Variants in SNX29 observed in about 807,000 individuals in gnomAD.
SNX29 encodes sorting nexin-29.
In SNX29, 78 loss-of-function variants were observed where a neutral mutation model predicts 102.1. That is an observed-to-expected ratio of 0.76 (90% CI 0.64 to 0.92). The LOEUF is 0.92. Among genes scored for constraint, SNX29 ranks in the 40% least tolerant of loss-of-function variants. The pLI is 0.00. For missense variants in SNX29, 1,280 were observed against 1,061.7 expected (o/e 1.21, Z -2.86); for synonymous variants, 580 against 414.5 (o/e 1.40, Z -4.85).
intron 18 of SNX29, among the ~76,000 whole-genome samples, chr16:12,435,244 G>C (rs1021975812): frequency 6.6e-6 from 1 of 152,220 alleles, no homozygotes; most frequent in Non-Finnish European, 1.5e-5. Context: ...AGCATCAGCT[G>C]ATAGGACCCA....
chr16:12,543,037 CAA>C (rs1274768154), intron 20 of SNX29, among the ~76,000 whole-genome samples: 2 of 152,142 alleles, frequency 1.3e-5, no homozygotes, highest in African/African-American at 2.4e-5. Context: ...TCCAGAGGCT[CAA>C]AAAGTGTCAC....
At chr16:12,176,172 G>A (rs1161896963) in intron 13 of SNX29, among the ~76,000 whole-genome samples, 1 of 152,182 alleles carries the variant, frequency 6.6e-6, no homozygotes, top group African/African-American at 2.4e-5. Context: ...TAGACTTCCA[G>A]CCTCCAGAAC....
Position 12,475,931 on chromosome 16 carries a change from T to G in SNX29, c.2038-1788T>G, listed in dbSNP as rs150380018. On this transcript the variant is annotated intron_variant, in intron 18 of 20. Transcript: ENST00000566228. ...CCCGATCTAGATAATTAGTATTATG[T>G]ATGATGATCAGAGAAGTGATTGTAC... Among the ~76,000 whole-genome samples the G allele has an allele frequency of 3.7e-3, 567 of 152,338 alleles. 17 individuals are homozygous for G. The highest frequency in any genetic ancestry group is 0.025 in the Admixed American group (377 of 15,306).
intron 11 of SNX29, among the ~76,000 whole-genome samples, chr16:12,118,345 G>A (rs1163246709): frequency 2.5e-5 from 2 of 80,500 alleles, no homozygotes; most frequent in African/African-American, 1.4e-4. Flanking sequence ...TTATGAGATG[G>A]AGTCTTGCTC....
At chr16:12,121,606 G>A (rs2053976897) in intron 11 of SNX29, among the ~76,000 whole-genome samples, 2 of 152,184 alleles carry the variant, frequency 1.3e-5, no homozygotes, top group East Asian at 3.9e-4. Flanking sequence ...GCCAGACTCG[G>A]CACTTTCTCT....
intron 1 of SNX29, among the ~76,000 whole-genome samples, chr16:11,982,820 C>CT (rs1375077532): frequency 6.6e-6 from 1 of 152,116 alleles, no homozygotes; most frequent in Non-Finnish European, 1.5e-5. Flanking sequence ...CAGATGAGCT[C>CT]TAAGATTCAT....
rs74009117 is a variant in SNX29 at position 12,529,357 on chromosome 16, C to T, written c.2318+4516C>T. Among the ~76,000 whole-genome samples the T allele has an allele frequency of 1.7e-4, 26 of 152,222 alleles. 1 individual carries two copies. The highest frequency in any genetic ancestry group is 5.5e-4 in the African/African-American group (23 of 41,536). ...TGGGGAAGGGGTGGTTACTAAGAGA[C>T]GTGACACTTTGCAGATGGCAGAGAT... On this transcript the variant is annotated intron_variant, in intron 20 of 20. Transcript: ENST00000566228.
At chr16:12,529,211 G>A (rs2076866543) in intron 20 of SNX29, among the ~76,000 whole-genome samples, 1 of 152,192 alleles carries the variant, frequency 6.6e-6, no homozygotes, top group Admixed American at 6.5e-5. Context: ...TTTGAACTCT[G>A]TATATCAGTG....
intron 13 of SNX29, among the ~76,000 whole-genome samples, chr16:12,189,104 G>C (rs1254032558): frequency 6.6e-6 from 1 of 152,074 alleles, no homozygotes; most frequent in Non-Finnish European, 1.5e-5. Flanking sequence ...AGAGGGCCTG[G>C]GAATCTGCTT....
intron 14 of SNX29, among the ~76,000 whole-genome samples, chr16:12,257,189 G>T (rs575150853): frequency 6.6e-6 from 1 of 152,222 alleles, no homozygotes; most frequent in East Asian, 1.9e-4. Flanking sequence ...AGCTCTGGAG[G>T]CCCCCAGAAC....
intron 18 of SNX29, among the ~76,000 whole-genome samples, chr16:12,426,155 A>G (rs62028393): frequency 0.039 from 6,006 of 152,124 alleles, 295 homozygotes; most frequent in East Asian, 0.28. Context: ...GCTAAGTTAT[A>G]CTGTTGTGAC....
intron 18 of SNX29, among the ~76,000 whole-genome samples, 184 bp downstream of exon 18, chr16:12,403,713 G>C (rs914977733): frequency 2.0e-5 from 3 of 152,208 alleles, no homozygotes; most frequent in African/African-American, 7.2e-5. Flanking sequence ...AGTTGGGCAG[G>C]GGGATACGGT....
At chr16:12,119,030 A>G (rs2053862828) in intron 11 of SNX29, among the ~76,000 whole-genome samples, 1 of 152,244 alleles carries the variant, frequency 6.6e-6, no homozygotes, top group African/African-American at 2.4e-5. Flanking sequence ...ACTTTAGGAC[A>G]TGAGGCTCAC....
chr16:12,354,863 G>C (rs1446858905), intron 15 of SNX29, among the ~76,000 whole-genome samples: 1 of 152,198 alleles, frequency 6.6e-6, no homozygotes, highest in African/African-American at 2.4e-5. Context: ...TGGCAGAAAG[G>C]CTCAGTGACT....
At chr16:12,112,308 T>A (rs1179190951) in intron 11 of SNX29, among the ~76,000 whole-genome samples, 3 of 152,034 alleles carry the variant, frequency 2.0e-5, no homozygotes, top group Non-Finnish European at 2.9e-5. Flanking sequence ...CTACCTCCCC[T>A]CCCTCTTAAG....
chr16:12,262,027 TCTGTGTGC>T (rs2078787127), intron 14 of SNX29, among the ~76,000 whole-genome samples: 1 of 143,462 alleles, frequency 7.0e-6, no homozygotes, highest in Admixed American at 6.9e-5. Flanking sequence ...TGAGCTCGGG[TCTGTGTGC>T]ACGTCCCCGG....
intron 3 of SNX29, among the ~76,000 whole-genome samples, chr16:12,011,800 A>G (rs1456300609): frequency 2.0e-5 from 3 of 152,116 alleles, no homozygotes; most frequent in Non-Finnish European, 4.4e-5. Context: ...CCAGCTGTGT[A>G]ATTTTGGACT....
intron 15 of SNX29, among the ~76,000 whole-genome samples, chr16:12,328,964 C>A (rs1031013415): frequency 1.3e-5 from 2 of 151,960 alleles, no homozygotes; most frequent in African/African-American, 4.8e-5. Context: ...GTGGGCTTTT[C>A]ATCTACAGTG....
chr16:12,562,798 T>C (rs1014256402), intron 20 of SNX29, among the ~76,000 whole-genome samples: 1 of 152,174 alleles, frequency 6.6e-6, no homozygotes, highest in African/African-American at 2.4e-5. Flanking sequence ...CATCAAGATG[T>C]GGAACAACTC....
Sources: gnomAD v4.1 joint callset for allele counts (sites outside exome capture counted in the v4.1 genomes callset) on GRCh38, gnomAD v4.1.1 for gene constraint, MANE v1.5 for transcripts, NCBI Gene and HGNC (gene_info 2026-07-23, HGNC 2026-07-21) for gene names.